Variants in CARD10 observed in about 807,000 individuals in gnomAD.
CARD10 encodes caspase recruitment domain family member 10.
Under a neutral mutation model 114.6 loss-of-function variants are expected in CARD10, and 49 were observed. The ratio of observed to expected loss-of-function variants is 0.43; its 90% CI spans 0.34 to 0.54. The LOEUF is 0.54. CARD10 is among the 20% of genes least tolerant of loss of function. The probability of loss-of-function intolerance (pLI) is 0.03; values close to 1 mark genes in which losing one functional copy is unlikely to be tolerated. For synonymous variants in CARD10, 602 were observed against 593.2 expected (o/e 1.01, Z -0.21); for missense variants, 1,206 against 1,397.2 (o/e 0.86, Z 2.18).
At chr22:37,514,138 G>C (rs973384083) in intron 3 of CARD10, among the ~76,000 whole-genome samples, 1 of 151,270 alleles carries the variant, frequency 6.6e-6, no homozygotes, top group Non-Finnish European at 1.5e-5. Flanking sequence ...TCAATCCCAG[G>C]ACATTGGGAA....
rs750935359 is a variant in CARD10 at position 37,508,702 on chromosome 22, G to A, written c.910-20C>T. ...CGCCTCCTGGGGATCACAGGGCAGGGCCACCTCAGGGTCTGGCTAGGGGCC... is the reference window on the plus strand; with the variant it reads ...CGCCTCCTGGGGATCACAGGGCAGGACCACCTCAGGGTCTGGCTAGGGGCC... On this transcript the variant is annotated intron_variant, in intron 4 of 19. Transcript: ENST00000251973. The A allele has an allele frequency of 1.2e-5, 19 of 1,539,166 alleles. 1 individual carries two copies. Among genetic ancestry groups the A allele is most frequent in the Middle Eastern group, 1.7e-4 (1 of 5,732 alleles).
intron 2 of CARD10, among the ~76,000 whole-genome samples, chr22:37,517,164 C>T (rs1454472971): frequency 2.6e-5 from 4 of 152,150 alleles, no homozygotes; most frequent in East Asian, 3.8e-4. Flanking sequence ...ACCTAGGTAT[C>T]CATCAACTGG....
In CARD10 at chr22:37,517,982, G is replaced by C. The variant is rs150070134; in HGVS notation, c.362C>G (p.Ser121Cys). The change falls in exon 2 of 20, where the codon TCC (serine) becomes TGC (cysteine). Residue 121 changes from serine (S) to cysteine (C), a missense_variant. This residue lies in a region of CARD10 where 138 missense variants were observed against 218.0 expected (regional missense o/e 0.63). Coordinates refer to ENST00000251973, the MANE Select transcript of CARD10 (RefSeq NM_014550.4). ...LTGQEPAQRCSMILDEEGPEG... is the reference protein window; with the variant it reads ...LTGQEPAQRCCMILDEEGPEG... ...GCAGATCCACTCACCGAGGATCATG[G>C]AGCAGCGCTGGGCGGGTTCCTGGCC... 7 of 1,613,604 alleles carry C rather than the reference G, an allele frequency of 4.3e-6. No individual in the cohort carries two copies. Among genetic ancestry groups the C allele is most frequent in the Non-Finnish European group, 5.9e-6 (7 of 1,179,800 alleles).
In CARD10 at chr22:37,496,055, AGG is replaced by A. The variant is rs755313715; in HGVS notation, c.2060-54_2060-53del. 1 of 1,602,168 alleles carries A rather than the reference AGG, an allele frequency of 6.2e-7. No individual in the cohort carries two copies. Among genetic ancestry groups the A allele is most frequent in the East Asian group, 2.2e-5 (1 of 44,656 alleles). On this transcript the variant is annotated intron_variant, in intron 13 of 19. Coordinates refer to ENST00000251973, the MANE Select transcript of CARD10 (RefSeq NM_014550.4). This position sits in a 1 kb window ranked among gnomAD's most constrained non-coding sequence, Gnocchi z 4.1. ...CAAGGAGGACAAGAGGAGGATGGTGAGGTCCAGGATCGGCCTTGGTGGGGCCA... is the reference window on the plus strand; with the variant it reads ...CAAGGAGGACAAGAGGAGGATGGTGATCCAGGATCGGCCTTGGTGGGGCCA...
At chr22:37,512,528 G>A (rs911679744) in intron 3 of CARD10, among the ~76,000 whole-genome samples, 1 of 145,820 alleles carries the variant, frequency 6.9e-6, no homozygotes, top group African/African-American at 2.5e-5. Flanking sequence ...CACGGGTCTG[G>A]AGGCTGGGTC....
In CARD10 at chr22:37,496,098, C is replaced by G; in HGVS notation, c.2060-95G>C. 3 of 1,498,126 alleles carry G rather than the reference C, an allele frequency of 2.0e-6. No individual in the cohort carries two copies. In the African/African-American group the frequency reaches 4.1e-5, roughly 21 times the overall value. 92.8% of individuals were successfully genotyped at this position (1,498,126 alleles called of 1,614,324 possible). On this transcript the variant is annotated intron_variant, in intron 13 of 19. Coordinates refer to ENST00000251973, the MANE Select transcript of CARD10 (RefSeq NM_014550.4). The surrounding 1 kb of genome is among the most constrained non-coding windows in gnomAD (Gnocchi z 4.1). ...GGTGGGGCCAAAGACATGGCCCTCT[C>G]GAGGCCTGAGTTCCCAGGACCCGAC...
intron 4 of CARD10, 97 bp from the exon 5 acceptor site, chr22:37,508,779 C>T: frequency 2.2e-6 from 3 of 1,359,922 alleles, no homozygotes; most frequent in Non-Finnish European, 3.0e-6. Context: ...CCTCCAAACC[C>T]ACCTGACCAG....
rs1299701837 is a variant in CARD10 at position 37,519,392 on chromosome 22, G to A, written c.-192C>T. On this transcript the variant is annotated 5_prime_UTR_variant, in exon 1 of 20. Coordinates refer to ENST00000251973, the MANE Select transcript of CARD10 (RefSeq NM_014550.4). This position sits in a 1 kb window ranked among gnomAD's most constrained non-coding sequence, Gnocchi z 4.1. ...CTCCCGGGTCCGCACTCGGGCGGCG[G>A]CTCCGCCGGCGCAGGGGGGCGGTGC... is the stretch of plus-strand genomic sequence containing the variant. The A allele has an allele frequency of 5.0e-6, 6 of 1,201,948 alleles. No homozygotes were observed. The highest frequency in any genetic ancestry group is 5.2e-6 in the Non-Finnish European group (5 of 969,268). The allele number at this position is 1,201,948 out of a possible 1,614,324, so 74.5% of individuals were successfully genotyped here.
intron 11 of CARD10, 141 bp from the exon 12 acceptor site, chr22:37,497,319 C>G (rs1467743730): frequency 1.3e-6 from 1 of 777,284 alleles, no homozygotes; most frequent in Non-Finnish European, 2.0e-6. Flanking sequence ...TCTGTGCCCT[C>G]TTCCTTGCCT....
rs944071200 is a variant in CARD10, at chr22:37,492,148, G to A, written c.2752-281C>T. Among the ~76,000 whole-genome samples the A allele has an allele frequency of 2.9e-4, 43 of 150,668 alleles. No individual in the cohort carries two copies. Among genetic ancestry groups the A allele is most frequent in the African/African-American group, 9.7e-4 (40 of 41,060 alleles). On this transcript the variant is annotated intron_variant, in intron 18 of 19. Coordinates refer to ENST00000251973, the MANE Select transcript of CARD10 (RefSeq NM_014550.4). The surrounding 1 kb of genome is among the most constrained non-coding windows in gnomAD (Gnocchi z 5.7). Reference sequence around the variant, plus strand: ...ACCCACCACCCGCCACCTTATAGCCGACTGCCAGCTCCCAGGATAGTGGCA... The same window carrying A: ...ACCCACCACCCGCCACCTTATAGCCAACTGCCAGCTCCCAGGATAGTGGCA...
At chr22:37,505,238 T>A (rs1437757909) in intron 7 of CARD10, among the ~76,000 whole-genome samples, 1 of 151,454 alleles carries the variant, frequency 6.6e-6, no homozygotes, top group Non-Finnish European at 1.5e-5. Flanking sequence ...GAAAAGGGAC[T>A]CTGTCTTTAC....
intron 2 of CARD10, 71 bp downstream of exon 2, chr22:37,517,900 C>T: frequency 6.4e-7 from 1 of 1,568,156 alleles, no homozygotes; most frequent in Non-Finnish European, 8.7e-7. Context: ...GAGCGCCTCC[C>T]TAACAGGGAT....
intron 19 of CARD10, 81 bp downstream of exon 19, chr22:37,491,673 AG>A (rs1922802509): frequency 9.6e-6 from 5 of 521,534 alleles, no homozygotes; most frequent in South Asian, 1.8e-5. Context: ...AGGGAGAGAG[AG>A]GGGGGAGGGA....
chr22:37,503,302 A>T, intron 9 of CARD10, 89 bp from the exon 10 acceptor site: 1 of 1,297,446 alleles, frequency 7.7e-7, no homozygotes, highest in Non-Finnish European at 1.1e-6. Flanking sequence ...ACACCAGATA[A>T]ATGTCTCACA....
chr22:37,509,078 G>A (rs1302389652), intron 4 of CARD10: 4 of 1,548,506 alleles, frequency 2.6e-6, no homozygotes, highest in South Asian at 1.2e-5. Flanking sequence ...TCTTCAAGGG[G>A]CTGAGCCTGG....
At position 37,494,136 on chromosome 22, in the gene CARD10, C is replaced by A; in HGVS notation, c.2426G>T (p.Gly809Val). ...QLRLVRPKPV[G>V]APAGDSPDQL... ...ATCCGGGGAGTCCCCTGCAGGCGCC[C>A]CCACGGGCTTGGGCCTCACCAGCCG... Residue 809 changes from glycine (G) to valine (V), a missense_variant, in exon 16 of 20, where the codon GGG (glycine) becomes GTG (valine). Transcript: ENST00000251973. The A allele has an allele frequency of 6.4e-7, 1 of 1,560,446 alleles. No individual in the cohort carries two copies.
intron 7 of CARD10, among the ~76,000 whole-genome samples, chr22:37,505,850 T>C (rs1923386617): frequency 6.6e-6 from 1 of 151,984 alleles, no homozygotes; most frequent in African/African-American, 2.4e-5. Context: ...GACTAGCTGG[T>C]CTCTGAGGCC....
chr22:37,513,869 C>T (rs1923745979), intron 3 of CARD10, among the ~76,000 whole-genome samples: 1 of 152,050 alleles, frequency 6.6e-6, no homozygotes, highest in Non-Finnish European at 1.5e-5. Context: ...GAGGCTGAGG[C>T]GGGCAGATCG....
In CARD10 at chr22:37,492,864, G is replaced by A. The variant is rs140388457; in HGVS notation, c.2477-62C>T. 7.5e-4 allele frequency: 1,158 copies of A among 1,542,918 alleles called. 5 individuals are homozygous for A. In the Middle Eastern group the frequency reaches 0.014, roughly 19 times the overall value. On this transcript the variant is annotated intron_variant, in intron 16 of 19. Coordinates refer to ENST00000251973, the MANE Select transcript of CARD10 (RefSeq NM_014550.4). This position sits in a 1 kb window ranked among gnomAD's most constrained non-coding sequence, Gnocchi z 5.7. ...CAGGCAGGCAGCATACCAGCTCGTC[G>A]ATACCCCAAAACCCACCCCGCCACC...
Sources: allele counts gnomAD v4.1 joint callset (sites outside exome capture counted in the v4.1 genomes callset), GRCh38; gene constraint gnomAD v4.1.1; regional missense constraint gnomAD v4.1.1; non-coding constraint Gnocchi (gnomAD v3.1); transcripts MANE v1.5; gene names NCBI Gene and HGNC (gene_info 2026-07-23, HGNC 2026-07-21).